The following OSBPL1A variants were observed in gnomAD, a reference collection of about 807,000 sequenced individuals.
OSBPL1A encodes oxysterol-binding protein-related protein 1.
Under a neutral mutation model 137.1 loss-of-function variants are expected in OSBPL1A, and 80 were observed. That is an observed-to-expected ratio of 0.58 (90% CI 0.49 to 0.70). OSBPL1A has a LOEUF of 0.70. Ranked by LOEUF, OSBPL1A falls within the 30% of genes least tolerant of loss-of-function variation. OSBPL1A has a pLI of 0.00. For missense variants in OSBPL1A, 970 were observed against 1,129.4 expected (o/e 0.86, Z 2.02); for synonymous variants, 365 against 389.7 (o/e 0.94, Z 0.75).
intron 7 of OSBPL1A, among the ~76,000 whole-genome samples, chr18:24,332,013 T>TAAATTTGTGTCTTTTATTTTATTTTCA (rs1455781972): frequency 6.6e-6 from 1 of 152,086 alleles, no homozygotes; most frequent in Non-Finnish European, 1.5e-5. Flanking sequence ...ACAAATGTCC[T>TAAATTTGTGTCTTTTATTTTATTTTCA]CGTCATGGTC....
chr18:24,289,076 G>A (rs1235382598), intron 14 of OSBPL1A, among the ~76,000 whole-genome samples: 1 of 152,072 alleles, frequency 6.6e-6, no homozygotes, highest in African/African-American at 2.4e-5. Context: ...AATTGATGAT[G>A]TATTTTTAGG....
intron 16 of OSBPL1A, among the ~76,000 whole-genome samples, chr18:24,235,266 G>C (rs72884813): frequency 1.3e-5 from 2 of 151,786 alleles, no homozygotes; most frequent in South Asian, 2.1e-4. Context: ...ACCATAATGA[G>C]AGCTAATATC....
chr18:24,358,592 CG>C, intron 4 of OSBPL1A: 1 of 694,422 alleles, frequency 1.4e-6, no homozygotes, highest in African/African-American at 1.7e-5. Flanking sequence ...GTCTGGGCAT[CG>C]CCTGAAACAC....
At chr18:24,385,124 T>G (rs899004279) in intron 1 of OSBPL1A, among the ~76,000 whole-genome samples, 1 of 151,870 alleles carries the variant, frequency 6.6e-6, no homozygotes, top group African/African-American at 2.4e-5. Flanking sequence ...CCGGCTAATT[T>G]TTTGTATTTT....
At chr18:24,317,486 T>C in intron 9 of OSBPL1A, 86 bp from the exon 10 acceptor site, 1 of 1,071,892 alleles carries the variant, frequency 9.3e-7, no homozygotes, top group Non-Finnish European at 1.4e-6. Context: ...GTGAGGACAG[T>C]CATATTTGAG....
chr18:24,213,504 G>GT (rs1029304240), intron 17 of OSBPL1A, among the ~76,000 whole-genome samples: 57 of 152,206 alleles, frequency 3.7e-4, no homozygotes, highest in African/African-American at 1.3e-3. Flanking sequence ...GGAGGCAGAG[G>GT]TTGCAGTGAG....
chr18:24,167,467 C>A, intron 24 of OSBPL1A, 22 bp from the exon 25 acceptor site: 1 of 1,595,760 alleles, frequency 6.3e-7, no homozygotes. Context: ...AATCAATGAA[C>A]AAAATTTAAG....
At chr18:24,196,033 C>T in intron 18 of OSBPL1A, 92 bp downstream of exon 18, 2 of 986,584 alleles carry the variant, frequency 2.0e-6, no homozygotes, top group South Asian at 1.4e-5. Flanking sequence ...CGTTGTCGTG[C>T]ACCACTTTAA....
At chr18:24,268,911 G>A (rs2089648404) in intron 15 of OSBPL1A, among the ~76,000 whole-genome samples, 1 of 152,136 alleles carries the variant, frequency 6.6e-6, no homozygotes, top group Non-Finnish European at 1.5e-5. Context: ...ATAATAGCAT[G>A]TCCAAAAGGC....
chr18:24,355,096 T>C (rs2091509985), intron 4 of OSBPL1A, among the ~76,000 whole-genome samples: 1 of 152,192 alleles, frequency 6.6e-6, no homozygotes, highest in East Asian at 1.9e-4. Flanking sequence ...AGCTTCTCCG[T>C]GAGGCTGTTG....
intron 17 of OSBPL1A, among the ~76,000 whole-genome samples, chr18:24,200,556 C>T (rs147835248): frequency 0.026 from 3,580 of 135,778 alleles, 181 homozygotes; most frequent in East Asian, 0.23. Context: ...AGTGAGACTC[C>T]GTGTCAAAAA....
chr18:24,198,876 G>C (rs1444240792), intron 17 of OSBPL1A, among the ~76,000 whole-genome samples: 1 of 118,470 alleles, frequency 8.4e-6, no homozygotes, highest in Admixed American at 9.3e-5. Flanking sequence ...TTTTTTTTTT[G>C]AGAGAGAGTC....
chr18:24,319,679 T>TA (rs797013540), intron 7 of OSBPL1A, among the ~76,000 whole-genome samples: 19 of 147,462 alleles, frequency 1.3e-4, no homozygotes, highest in African/African-American at 4.3e-4. Context: ...GGACAAAAGG[T>TA]AAAAAAACAA....
At chr18:24,365,314 G>T (rs973283528) in intron 4 of OSBPL1A, among the ~76,000 whole-genome samples, 3 of 152,278 alleles carry the variant, frequency 2.0e-5, no homozygotes, top group Middle Eastern at 3.4e-3. Flanking sequence ...GCCGAGTGCG[G>T]TGGCTCACGC....
intron 21 of OSBPL1A, among the ~76,000 whole-genome samples, chr18:24,175,104 G>GTGTGTATATATATATATA (rs1491534405): frequency 3.0e-4 from 13 of 42,716 alleles, no homozygotes; most frequent in Non-Finnish European, 6.0e-4. Context: ...TTTGCCATGT[G>GTGTGTATATATATATATA]TATGTATATA....
At chr18:24,389,386 C>A (rs1433517547) in intron 1 of OSBPL1A, among the ~76,000 whole-genome samples, 4 of 152,208 alleles carry the variant, frequency 2.6e-5, no homozygotes, top group African/African-American at 4.8e-5. Flanking sequence ...TTTTTAAATT[C>A]TTTTGAGGAA....
chr18:24,321,381 C>T (rs1332925777), intron 7 of OSBPL1A, among the ~76,000 whole-genome samples: 4 of 152,202 alleles, frequency 2.6e-5, no homozygotes, highest in Non-Finnish European at 2.9e-5. Context: ...ACCACAGCCT[C>T]GACCTCTTGG....
At chr18:24,371,875 C>T (rs971376615) in intron 2 of OSBPL1A, among the ~76,000 whole-genome samples, 1 of 152,216 alleles carries the variant, frequency 6.6e-6, no homozygotes, top group Admixed American at 6.5e-5. Flanking sequence ...TCTTCCCTAG[C>T]TGCCACAGCC....
chr18:24,319,640 G>A (rs1173527180), intron 7 of OSBPL1A, among the ~76,000 whole-genome samples: 2 of 152,056 alleles, frequency 1.3e-5, no homozygotes, highest in African/African-American at 4.8e-5. Flanking sequence ...TATTTATAGA[G>A]TTCTGAAGTG....
Sources: allele counts gnomAD v4.1 joint callset (sites outside exome capture counted in the v4.1 genomes callset), GRCh38; gene constraint gnomAD v4.1.1; transcripts MANE v1.5; gene names NCBI Gene and HGNC (gene_info 2026-07-23, HGNC 2026-07-21).